Variants in C11orf65 observed in about 807,000 individuals in gnomAD.
C11orf65 encodes the protein chromosome 11 open reading frame 65, also known as protein MFI.
A neutral mutation model predicts 35.3 loss-of-function variants in C11orf65; 38 were observed. The observed-to-expected ratio is 1.08, with a 90% confidence interval of 0.83 to 1.41. The LOEUF is 1.41. Among genes scored for constraint, C11orf65 ranks in the 40% most tolerant of loss-of-function variants. The pLI is 0.00. For missense variants in C11orf65, 370 were observed against 367.1 expected (o/e 1.01, Z -0.06); for synonymous variants, 105 against 114.4 (o/e 0.92, Z 0.53).
At chr11:108,452,319 A>C (rs2093359081) in intron 2 of C11orf65, among the ~76,000 whole-genome samples, 1 of 152,222 alleles carries the variant, frequency 6.6e-6, no homozygotes, top group Non-Finnish European at 1.5e-5. Context: ...GAAAAAAATC[A>C]AACCACCCCA....
chr11:108,406,963 C>T lies in C11orf65; in HGVS notation c.229G>A (p.Val77Ile), dbSNP rs1565656936. ...TAGTATATATCAGGTGGAAATTTAACCTGTAGAAGGAAAAGTTCAAAGAGC... is the reference window on the plus strand; with the variant it reads ...TAGTATATATCAGGTGGAAATTTAATCTGTAGAAGGAAAAGTTCAAAGAGC... ...GIHVRFRLGGVKFPPDIYYKI... is the reference protein window; with the variant it reads ...GIHVRFRLGGIKFPPDIYYKI... The change falls in exon 5 of 9, where the codon GTT (valine) becomes ATT (isoleucine). Residue 77 changes from valine to isoleucine, a missense_variant and splice_region_variant. By Grantham distance (29) the Val-to-Ile change is conservative. Coordinates refer to ENST00000393084, the MANE Select transcript of C11orf65 (RefSeq NM_152587.5). 6.2e-7 allele frequency: 1 copy of T among 1,602,922 alleles called. No individual in the cohort carries two copies. Among genetic ancestry groups the T allele is most frequent in the Non-Finnish European group, 8.5e-7 (1 of 1,170,964 alleles).
chr11:108,361,786 C>A (rs149854825), intron 2 of C11orf65, among the ~76,000 whole-genome samples: 1 of 152,082 alleles, frequency 6.6e-6, no homozygotes, highest in Admixed American at 6.6e-5. Context: ...ACACCTGATA[C>A]AAAAATTAAC....
chr11:108,447,187 G>T (rs2093275774), intron 2 of C11orf65, among the ~76,000 whole-genome samples: 1 of 152,128 alleles, frequency 6.6e-6, no homozygotes, highest in Non-Finnish European at 1.5e-5. Flanking sequence ...AATAATGGGA[G>T]ACTTTAACAC....
chr11:108,464,998 A>G (rs1379512936), intron 1 of C11orf65, among the ~76,000 whole-genome samples: 2 of 152,202 alleles, frequency 1.3e-5, no homozygotes, highest in African/African-American at 4.8e-5. Context: ...CGTAAATTAG[A>G]TATTAGGATT....
chr11:108,365,379 A>G lies in C11orf65; in HGVS notation c.226+27829T>C, dbSNP rs1060504291. ...CTGAACGTGTCTTAATGAGACTACA[A>G]GAGAAACTGAAAGGAGTGGAAGAAG... On this transcript the variant is annotated intron_variant, in intron 2 of 3. Transcript: ENST00000524755. 1.2e-6 allele frequency: 2 copies of G among 1,614,172 alleles called. No homozygotes were observed. The highest frequency in any genetic ancestry group is 1.7e-5 in the Admixed American group (1 of 60,022).
Position 108,385,935 on chromosome 11 carries a change from A to C in C11orf65, c.772T>G (p.Ser258Ala). 1.9e-6 allele frequency: 3 copies of C among 1,613,936 alleles called. No homozygotes were observed. Among genetic ancestry groups the C allele is most frequent in the Middle Eastern group, 1.7e-4 (1 of 6,060 alleles). The change falls in exon 8 of 9, where the codon TCG (serine) becomes GCG (alanine). Residue 258 changes from serine (S) to alanine (A), a missense_variant. Transcript: ENST00000393084. Reference sequence around the variant, plus strand: ...AATCACCTACCTTTGAAGTTAGCCGAAGAGTTGCTTGTAGCAATTTCCTTC... The same window carrying C: ...AATCACCTACCTTTGAAGTTAGCCGCAGAGTTGCTTGTAGCAATTTCCTTC... ...SWKEIATSNS[S>A]ANFKGFRFNQ... is the part of the protein sequence containing the mutation.
intron 6 of C11orf65, among the ~76,000 whole-genome samples, chr11:108,321,719 C>T (rs1342918136): frequency 6.6e-6 from 1 of 150,834 alleles, no homozygotes; most frequent in Non-Finnish European, 1.5e-5. Flanking sequence ...GCACAACAGG[C>T]AGAGGTTGTG....
intron 6 of C11orf65, among the ~76,000 whole-genome samples, chr11:108,402,784 TC>T (rs2092461929): frequency 6.6e-6 from 1 of 152,184 alleles, no homozygotes; most frequent in Non-Finnish European, 1.5e-5. Context: ...CTGATTTGTG[TC>T]ACTTCAGATT....
rs1591314020 is a variant in C11orf65, at chr11:108,354,825, C to T, written c.227-19533G>A. 6.2e-7 allele frequency: 1 copy of T among 1,613,654 alleles called. No individual in the cohort carries two copies. Among genetic ancestry groups the T allele is most frequent in the Non-Finnish European group, 8.5e-7 (1 of 1,179,626 alleles). ...TTTGACTCTAGATGCTGTGAGAAAA[C>T]CATGGAAGTGATGAGAAACTCTCAG... On this transcript the variant is annotated intron_variant, in intron 2 of 3. Transcript: ENST00000524755.
chr11:108,375,713 C>G (rs2091703926), intron 2 of C11orf65, among the ~76,000 whole-genome samples: 1 of 151,976 alleles, frequency 6.6e-6, no homozygotes, highest in Non-Finnish European at 1.5e-5. Context: ...GAGTCAAGAC[C>G]CGTCAGTGTG....
At chr11:108,354,744 C>T (rs2137337999) in intron 2 of C11orf65, 2 of 1,318,372 alleles carry the variant, frequency 1.5e-6, no homozygotes, top group Non-Finnish European at 2.2e-6. Context: ...TGAGAGTATA[C>T]AGATAAAGAT....
In C11orf65 at chr11:108,405,547, T is replaced by C. The variant is rs1356794122; in HGVS notation, c.442A>G (p.Thr148Ala). Residue 148 changes from threonine (T) to alanine (A), a missense_variant, in exon 6 of 9, where the codon ACT becomes GCT. Thr to Ala is a moderately conservative substitution (Grantham distance 58, BLOSUM62 0). Coordinates refer to ENST00000393084, the MANE Select transcript of C11orf65 (RefSeq NM_152587.5). ...RPVSDTFWLS[T>A]DGMVVEDKKE... The stretch of plus-strand genomic sequence containing the variant: ...TTGTCTTCCACCACCATACCATCAG[T>C]AGATAGCCAAAACTATTGAGAAACA... 1.9e-6 allele frequency: 3 copies of C among 1,612,672 alleles called. No individual in the cohort carries two copies. The highest frequency in any genetic ancestry group is 1.1e-5 in the South Asian group (1 of 90,558).
intron 6 of C11orf65, among the ~76,000 whole-genome samples, chr11:108,398,879 T>G (rs1040745951): frequency 6.6e-6 from 1 of 152,248 alleles, no homozygotes. Context: ...ATAAAATTAA[T>G]ATCCAGAATA....
chr11:108,322,275 C>G (rs1054591733), intron 6 of C11orf65, among the ~76,000 whole-genome samples: 9 of 152,172 alleles, frequency 5.9e-5, no homozygotes, highest in African/African-American at 2.2e-4. Flanking sequence ...CTGCCTCAGC[C>G]TCCCGAGTAG....
chr11:108,337,327 C>G (rs2086958969), intron 2 of C11orf65, among the ~76,000 whole-genome samples: 2 of 152,154 alleles, frequency 1.3e-5, no homozygotes, highest in South Asian at 4.1e-4. Context: ...TAGATGTTTT[C>G]CATTAGCAGT....
At chr11:108,457,152 T>A (rs2093419206) in intron 2 of C11orf65, among the ~76,000 whole-genome samples, 1 of 151,642 alleles carries the variant, frequency 6.6e-6, no homozygotes, top group Admixed American at 6.6e-5. Flanking sequence ...ACCAATAAGG[T>A]AATAAAATAG....
At position 108,403,409 on chromosome 11, in the gene C11orf65, G is replaced by GTTTTTTT. The variant is rs71047691; in HGVS notation, c.560+2013_560+2019dup. Among the ~76,000 whole-genome samples, 405 of 67,230 alleles carry GTTTTTTT rather than the reference G, an allele frequency of 6.0e-3. 23 individuals carry two copies. Among genetic ancestry groups the GTTTTTTT allele is most frequent in the Non-Finnish European group, 8.1e-3 (294 of 36,154 alleles). The allele number at this position is 67,230 out of a possible 152,430, so 44.1% of individuals were successfully genotyped here. On this transcript the variant is annotated intron_variant, in intron 6 of 8. Transcript: ENST00000393084. ...ACTTTAAAATGTGATTGTTTGAGAG[G>GTTTTTTT]TTTTTTTTTTGTTTTTTTTTTTTTT...
intron 2 of C11orf65, among the ~76,000 whole-genome samples, chr11:108,453,780 A>T (rs2093380580): frequency 6.6e-6 from 1 of 152,202 alleles, no homozygotes; most frequent in Non-Finnish European, 1.5e-5. Context: ...TCATTATTTT[A>T]ATGTGCTGTT....
chr11:108,442,130 A>G (rs1290561933), intron 2 of C11orf65, among the ~76,000 whole-genome samples: 1 of 152,176 alleles, frequency 6.6e-6, no homozygotes, highest in African/African-American at 2.4e-5. Flanking sequence ...GAAGACCTTA[A>G]ATCACTTGAT....
Sources: gnomAD v4.1 joint callset for allele counts (sites outside exome capture counted in the v4.1 genomes callset) on GRCh38, gnomAD v4.1.1 for gene constraint, MANE v1.5 for transcripts, NCBI Gene and HGNC (gene_info 2026-07-23, HGNC 2026-07-21) for gene names.